MYO1H: variants seen among roughly 807,000 people sequenced by gnomAD.
MYO1H encodes the protein myosin IH, also known as unconventional myosin-Ih.
A neutral mutation model predicts 149.3 loss-of-function variants in MYO1H; 118 were observed. That is an observed-to-expected ratio of 0.79 (90% CI 0.68 to 0.92). The LOEUF (loss-of-function observed/expected upper bound fraction) is 0.92. Ranked by LOEUF, MYO1H falls within the 40% of genes least tolerant of loss-of-function variation. MYO1H has a pLI of 0.00. For missense variants in MYO1H, 1,212 were observed against 1,280.7 expected (o/e 0.95, Z 0.82); for synonymous variants, 447 against 465.2 (o/e 0.96, Z 0.50).
chr12:109,428,358 C>T (rs1476825382), intron 19 of MYO1H, among the ~76,000 whole-genome samples: 1 of 152,178 alleles, frequency 6.6e-6, no homozygotes, highest in Non-Finnish European at 1.5e-5. Context: ...TTTCAAACCA[C>T]ATGAACTTGG....
chr12:109,425,750 G>A lies in MYO1H; in HGVS notation c.1726-196G>A, dbSNP rs766627237. Among the ~76,000 whole-genome samples the A allele has an allele frequency of 6.8e-4, 104 of 152,186 alleles. 2 individuals carry two copies. The highest frequency in any genetic ancestry group is 1.3e-4 in the Admixed American group (2 of 15,270). On this transcript the variant is annotated intron_variant, in intron 17 of 31. Transcript: ENST00000310903. Reference sequence around the variant, plus strand: ...TGCTTGTCCAGCTTCCACGTGACCAGACCAAGACTGGCCTTCTCAGGTCAG... The same window carrying A: ...TGCTTGTCCAGCTTCCACGTGACCAAACCAAGACTGGCCTTCTCAGGTCAG...
chr12:109,353,353 C>G (rs923599068), intron 1 of MYO1H, among the ~76,000 whole-genome samples: 1 of 126,642 alleles, frequency 7.9e-6, no homozygotes, highest in African/African-American at 3.0e-5. Context: ...GATATTGCGC[C>G]ATTGCACTCC....
chr12:109,418,662 C>A (rs1871034726), intron 15 of MYO1H, among the ~76,000 whole-genome samples: 1 of 151,210 alleles, frequency 6.6e-6, no homozygotes, highest in African/African-American at 2.4e-5. Context: ...CATTCTCCTG[C>A]CTCAGCCTCC....
chr12:109,333,725 A>G, the MYO1H span, among the ~76,000 whole-genome samples: 1 of 152,174 alleles, frequency 6.6e-6, no homozygotes, highest in African/African-American at 2.4e-5. Flanking sequence ...CATGCTCGTC[A>G]ATTTATGATG....
chr12:109,316,984 G>GT, the MYO1H span, among the ~76,000 whole-genome samples: 56 of 152,296 alleles, frequency 3.7e-4, no homozygotes, highest in Admixed American at 8.5e-4. Context: ...TGAGGGTTTG[G>GT]TAGATGTGCT....
At chr12:109,442,520 T>C (rs2111215) in intron 27 of MYO1H, among the ~76,000 whole-genome samples, 5,616 of 152,238 alleles carry the variant, frequency 0.037, 376 homozygotes, top group African/African-American at 0.13. Context: ...CCTACAAAAT[T>C]GAATGAAGTG....
Position 109,407,830 on chromosome 12 carries a change from G to A in MYO1H, c.1072G>A (p.Ala358Thr), listed in dbSNP as rs545577835. 4.8e-5 allele frequency: 77 copies of A among 1,613,754 alleles called. 1 individual carries two copies. The highest frequency in any genetic ancestry group is 3.2e-4 in the South Asian group (29 of 91,076). ...GTTGACACTAGAACTCTCTGTCTACGCTAGAGATGCAATGGCAAAGGCTGT... is the reference window on the plus strand; with the variant it reads ...GTTGACACTAGAACTCTCTGTCTACACTAGAGATGCAATGGCAAAGGCTGT... The change falls in exon 10 of 32, where the codon GCT (alanine) becomes ACT (threonine). Residue 358 changes from alanine (A) to threonine (T), a missense_variant. Transcript: ENST00000310903.
rs199630065 is a variant in MYO1H, at chr12:109,428,170, TAC to T, written c.1949+586_1949+587del. 5.6e-3 allele frequency among the ~76,000 whole-genome samples: 851 copies of T among 151,548 alleles called. 16 individuals carry two copies. Among genetic ancestry groups the T allele is most frequent in the African/African-American group, 0.02 (819 of 41,344 alleles). ...TTCATTTCACTAATCCCTGACTGTT[TAC>T]AGTCAAGGGCAAGGCCAAGTGCGTA... On this transcript the variant is annotated intron_variant, in intron 19 of 31. Coordinates refer to ENST00000310903, the Ensembl canonical transcript of MYO1H.
chr12:109,350,876 C>T (rs188077543), intron 1 of MYO1H, among the ~76,000 whole-genome samples: 83 of 152,260 alleles, frequency 5.5e-4, no homozygotes, highest in South Asian at 3.3e-3. Flanking sequence ...ATCCCTCAAT[C>T]GTTACATCTT....
chr12:109,396,898 G>T (rs1592792070), intron 4 of MYO1H, among the ~76,000 whole-genome samples: 2 of 131,788 alleles, frequency 1.5e-5, no homozygotes, highest in Admixed American at 9.6e-5. Context: ...CACAATCTCG[G>T]CTCACAGAAA....
At chr12:109,380,817 G>A (rs1230899218) in intron 1 of MYO1H, among the ~76,000 whole-genome samples, 7 of 152,042 alleles carry the variant, frequency 4.6e-5, no homozygotes, top group African/African-American at 1.2e-4. Flanking sequence ...ATGGTGGCCC[G>A]CACCAGTAGT....
intron 19 of MYO1H, among the ~76,000 whole-genome samples, chr12:109,429,670 CT>C (rs1426719466): frequency 6.6e-6 from 1 of 152,146 alleles, no homozygotes; most frequent in Non-Finnish European, 1.5e-5. Context: ...TGAGGGGTGA[CT>C]GCATAAGGCC....
chr12:109,378,599 A>G (rs574039212), intron 1 of MYO1H, among the ~76,000 whole-genome samples: 2 of 152,286 alleles, frequency 1.3e-5, no homozygotes, highest in Admixed American at 6.5e-5. Context: ...GATTGCAGGC[A>G]TGCGCCACTG....
chr12:109,411,312 G>T (rs935894469), intron 13 of MYO1H, among the ~76,000 whole-genome samples: 1 of 151,930 alleles, frequency 6.6e-6, no homozygotes, highest in African/African-American at 2.4e-5. Context: ...CCATGTGCCT[G>T]TGCTGGTCTT....
At chr12:109,361,392 T>A (rs138206319) in intron 1 of MYO1H, among the ~76,000 whole-genome samples, 8 of 152,276 alleles carry the variant, frequency 5.3e-5, no homozygotes, top group African/African-American at 1.9e-4. Context: ...TTTGAGTCAT[T>A]TGCTGAGGAC....
chr12:109,427,511 TG>T lies in MYO1H; in HGVS notation c.1878del (p.Leu627Ter). 1 of 1,612,736 alleles carries T rather than the reference TG, an allele frequency of 6.2e-7. No homozygotes were observed. The highest frequency in any genetic ancestry group is 8.5e-7 in the Non-Finnish European group (1 of 1,179,176). On this transcript the variant is annotated frameshift_variant, in exon 19 of 32. Transcript: ENST00000310903. LOFTEE classifies it high-confidence loss of function. ...CTCATAAGGCATCAGATCAAATACC[TG>T]GGGCTGATGGAGCACCTGCGGGTGA...
At chr12:109,329,804 C>G in the MYO1H span, among the ~76,000 whole-genome samples, 1 of 152,156 alleles carries the variant, frequency 6.6e-6, no homozygotes, top group Admixed American at 6.6e-5. Flanking sequence ...AGTGATTATG[C>G]CGAGGCCTTG....
At chr12:109,397,788 C>T in exon 5 of MYO1H, 1 of 1,610,340 alleles carries the variant, frequency 6.2e-7, no homozygotes, top group Non-Finnish European at 8.5e-7. Flanking sequence ...TTGGGAAATA[C>T]ATGGATATAC....
chr12:109,341,525 G>T, the MYO1H span, among the ~76,000 whole-genome samples: 1 of 152,222 alleles, frequency 6.6e-6, no homozygotes, highest in Non-Finnish European at 1.5e-5. Context: ...ACATGCATTT[G>T]TGGCAGAGAC....
Sources: allele counts gnomAD v4.1 joint callset (sites outside exome capture counted in the v4.1 genomes callset), GRCh38; gene constraint gnomAD v4.1.1; transcripts MANE v1.5; gene names NCBI Gene and HGNC (gene_info 2026-07-23, HGNC 2026-07-21).